Variants in MTFR2 observed in about 807,000 individuals in gnomAD.
The protein encoded by MTFR2 is mitochondrial fission regulator 2.
MTFR2 carries 44 observed loss-of-function variants against 41.2 expected under a neutral mutation model. The ratio of observed to expected loss-of-function variants is 1.07; its 90% CI spans 0.84 to 1.37. The LOEUF is 1.37. Ranked by LOEUF, MTFR2 falls within the 40% of genes most tolerant of loss-of-function variation. MTFR2 has a pLI of 0.00. For synonymous variants in MTFR2, 141 were observed against 154.6 expected, an observed-to-expected ratio of 0.91 and a Z score of 0.65; for missense variants, 452 against 459.5, an observed-to-expected ratio of 0.98 and a Z score of 0.15.
chr6:136,244,828 C>T lies in MTFR2; in HGVS notation c.105G>A (p.Arg35=). The T allele has an allele frequency of 6.2e-7, 1 of 1,612,216 alleles. No homozygotes were observed. The highest frequency in any genetic ancestry group is 8.5e-7 in the Non-Finnish European group (1 of 1,179,478). Residue 35 remains arginine, a synonymous_variant, in exon 3 of 8, where the codon AGG becomes AGA. Coordinates refer to ENST00000420702, the MANE Select transcript of MTFR2 (RefSeq NM_001099286.3). ...TTTTCCCAATAATACGAACAATACT[C>T]CTAGTTGATCCATAGTCTTTATTTT... ...IWENKDYGST[R]SIVRIIGKML...
chr6:136,246,259 AT>A (rs1780208903), intron 2 of MTFR2, among the ~76,000 whole-genome samples: 1 of 149,338 alleles, frequency 6.7e-6, no homozygotes, highest in South Asian at 2.1e-4. Flanking sequence ...CATCTTCACC[AT>A]TTTCGTTGTT....
rs551556672 is a variant in MTFR2, at chr6:136,240,200, T to A, written c.515-380A>T. On this transcript the variant is annotated intron_variant, in intron 5 of 7. Coordinates refer to ENST00000420702, the MANE Select transcript of MTFR2 (RefSeq NM_001099286.3). The stretch of plus-strand genomic sequence containing the variant: ...ACAAATTGATGTATTCACTGTATAA[T>A]GACATTGGAGAAATAAGCATATTAT... 2.0e-5 allele frequency among the ~76,000 whole-genome samples: 3 copies of A among 152,322 alleles called. No homozygotes were observed. The East Asian group carries it at 5.8e-4, about 29-fold the overall frequency.
chr6:136,232,261 T>C (rs1779781351), intron 7 of MTFR2, among the ~76,000 whole-genome samples: 1 of 152,034 alleles, frequency 6.6e-6, no homozygotes, highest in Non-Finnish European at 1.5e-5. Context: ...CTTTTTCTTT[T>C]TTTGTTTTTT....
rs1162317887 is a variant in MTFR2 at position 136,241,060 on chromosome 6, C to T, written c.514+384G>A. ...GAGCCAAGATCGTGCCACTGCACTC[C>T]AGCCTGGGCGACAGAGCAAGACTGC... On this transcript the variant is annotated intron_variant, in intron 5 of 7. Transcript: ENST00000420702. Among the ~76,000 whole-genome samples the T allele has an allele frequency of 4.7e-5, 7 of 148,454 alleles. No homozygotes were observed. The East Asian group carries it at 8.0e-4, about 17-fold the overall frequency.
chr6:136,245,552 T>A (rs914887802), intron 2 of MTFR2, among the ~76,000 whole-genome samples: 1 of 152,314 alleles, frequency 6.6e-6, no homozygotes, highest in African/African-American at 2.4e-5. Flanking sequence ...ATTGGACATT[T>A]TTCCTAAGAT....
chr6:136,233,266 A>G, intron 7 of MTFR2, 59 bp downstream of exon 7: 1 of 1,444,870 alleles, frequency 6.9e-7, no homozygotes. Flanking sequence ...ACAAAGCTGT[A>G]ACATAAACAA....
At chr6:136,245,518 C>G (rs770131347) in intron 2 of MTFR2, among the ~76,000 whole-genome samples, 2 of 152,150 alleles carry the variant, frequency 1.3e-5, no homozygotes, top group Admixed American at 6.5e-5. Flanking sequence ...TCTCCCCCAC[C>G]AGCCAAAAGA....
At chr6:136,237,726 C>T (rs1016697510) in intron 6 of MTFR2, among the ~76,000 whole-genome samples, 1 of 151,898 alleles carries the variant, frequency 6.6e-6, no homozygotes, top group Admixed American at 6.6e-5. Flanking sequence ...AAAAGAATTG[C>T]TTGAACCAAG....
intron 4 of MTFR2, among the ~76,000 whole-genome samples, 198 bp from the exon 5 acceptor site, chr6:136,241,874 C>T (rs892587498): frequency 6.6e-6 from 1 of 151,896 alleles, no homozygotes. Flanking sequence ...GCCAGGAGTT[C>T]GAGACCAGCC....
intron 6 of MTFR2, among the ~76,000 whole-genome samples, chr6:136,237,577 C>T (rs1316961624): frequency 2.6e-5 from 4 of 152,024 alleles, no homozygotes; most frequent in Non-Finnish European, 5.9e-5. Flanking sequence ...TTTGGGAGGC[C>T]GAGGCCGGCA....
At chr6:136,241,058 T>C (rs1461185306) in intron 5 of MTFR2, among the ~76,000 whole-genome samples, 4 of 142,588 alleles carry the variant, frequency 2.8e-5, no homozygotes, top group Non-Finnish European at 6.0e-5. Context: ...GCCACTGCAC[T>C]CCAGCCTGGG....
chr6:136,236,097 G>A (rs904101059), intron 6 of MTFR2, among the ~76,000 whole-genome samples: 4 of 152,318 alleles, frequency 2.6e-5, no homozygotes, highest in African/African-American at 4.8e-5. Flanking sequence ...AGGCAGCAGC[G>A]ATAGACAGAA....
intron 6 of MTFR2, among the ~76,000 whole-genome samples, chr6:136,239,174 T>C (rs1190059722): frequency 6.6e-6 from 1 of 152,198 alleles, no homozygotes; most frequent in African/African-American, 2.4e-5. Context: ...TGTGTGTGTG[T>C]CCTGGGTAGA....
At position 136,247,243 on chromosome 6, in the gene MTFR2, C is replaced by T. The variant is rs551220128; in HGVS notation, c.63+1794G>A. On this transcript the variant is annotated intron_variant, in intron 2 of 7. Coordinates refer to ENST00000420702, the MANE Select transcript of MTFR2 (RefSeq NM_001099286.3). ...GCAGGCTCCTGTAATCCCAGCTACG[C>T]GGGAGGCTGGGGCAGGAGAATCACT... is the stretch of plus-strand genomic sequence containing the variant. Among the ~76,000 whole-genome samples, 309 of 152,148 alleles carry T rather than the reference C, an allele frequency of 2.0e-3. 2 individuals are homozygous for T. Among genetic ancestry groups the T allele is most frequent in the Middle Eastern group, 6.8e-3 (2 of 294 alleles).
intron 2 of MTFR2, chr6:136,247,446 C>T (rs1489935094): frequency 2.2e-6 from 1 of 452,294 alleles, no homozygotes; most frequent in East Asian, 7.0e-5. Flanking sequence ...TTAATTAGAT[C>T]CCTTGCCCAA....
rs1405695583 is a variant in MTFR2 at position 136,231,281 on chromosome 6, C to A, written c.1152G>T (p.Arg384Ser). 6.2e-7 allele frequency: 1 copy of A among 1,604,032 alleles called. No homozygotes were observed. The highest frequency in any genetic ancestry group is 8.5e-7 in the Non-Finnish European group (1 of 1,173,806). Residue 384 changes from arginine (R) to serine (S), a missense_variant, in exon 8 of 8, where the codon AGG (arginine) becomes AGT (serine). By Grantham distance (110) the Arg-to-Ser change is moderately radical. Coordinates refer to ENST00000420702, the MANE Select transcript of MTFR2 (RefSeq NM_001099286.3). ...GCTCAACCTTAAGTTGAGTTTAAATCCTTGAGTTTAGAAGGCTTGTGTTGC... is the reference window on the plus strand; with the variant it reads ...GCTCAACCTTAAGTTGAGTTTAAATACTTGAGTTTAGAAGGCTTGTGTTGC... ...GISNTSLLNS[R>S]I
In MTFR2 at chr6:136,240,835, T is replaced by C. The variant is rs371444143; in HGVS notation, c.514+609A>G. Reference sequence around the variant, plus strand: ...GGCCGGGCGCGGTGGCTCACGCCTGTAATCCCAGCACTTTGGGAGGCCAAG... The same window carrying C: ...GGCCGGGCGCGGTGGCTCACGCCTGCAATCCCAGCACTTTGGGAGGCCAAG... On this transcript the variant is annotated intron_variant, in intron 5 of 7. Coordinates refer to ENST00000420702, the MANE Select transcript of MTFR2 (RefSeq NM_001099286.3). 5.3e-5 allele frequency among the ~76,000 whole-genome samples: 8 copies of C among 152,348 alleles called. No homozygotes were observed. In the East Asian group the frequency reaches 7.7e-4, roughly 15 times the overall value.
At position 136,249,155 on chromosome 6, in the gene MTFR2, T is replaced by C; in HGVS notation, c.-54-2A>G. ...GGAACATTATCAGTTTCTTGGTGCC[T>C]TTGGGGAAAATTTTAGAAAATGTTA... On this transcript the variant is annotated splice_acceptor_variant, in intron 1 of 7. Transcript: ENST00000420702. LOFTEE classifies it low-confidence loss of function (5UTR_SPLICE). The C allele has an allele frequency of 1.4e-6, 2 of 1,457,092 alleles. No homozygotes were observed. The highest frequency in any genetic ancestry group is 2.6e-5 in the Admixed American group (1 of 38,934). 90.3% of individuals were successfully genotyped at this position (1,457,092 alleles called of 1,614,324 possible). A position where few individuals can be genotyped will look rare whatever the true frequency, so the allele number is the denominator to read the frequency against.
chr6:136,236,099 T>C (rs1237225858), intron 6 of MTFR2, among the ~76,000 whole-genome samples: 2 of 152,096 alleles, frequency 1.3e-5, no homozygotes. Context: ...GCAGCAGCGA[T>C]AGACAGAAAC....
Sources: allele counts gnomAD v4.1 joint callset (sites outside exome capture counted in the v4.1 genomes callset), GRCh38; gene constraint gnomAD v4.1.1; transcripts MANE v1.5; gene names NCBI Gene and HGNC (gene_info 2026-07-23, HGNC 2026-07-21).